Variants in MINK1 observed in about 807,000 individuals in gnomAD.
MINK1 encodes the protein misshapen-like kinase 1.
Under a neutral mutation model 178.4 loss-of-function variants are expected in MINK1, and 46 were observed. The ratio of observed to expected loss-of-function variants is 0.26; its 90% confidence interval spans 0.20 to 0.33. MINK1 has a LOEUF of 0.33. Ranked by LOEUF, MINK1 falls within the 10% of genes least tolerant of loss-of-function variation. The pLI is 1.00. For synonymous variants in MINK1, 797 were observed against 709.7 expected, an observed-to-expected ratio of 1.12 and a Z score of -1.96; for missense variants, 1,366 against 1,814.9, an observed-to-expected ratio of 0.75 and a Z score of 4.49.
intron 1 of MINK1, among the ~76,000 whole-genome samples, chr17:4,870,028 C>T (rs1481006551): frequency 6.6e-6 from 1 of 151,148 alleles, no homozygotes; most frequent in Non-Finnish European, 1.5e-5. Flanking sequence ...CTGCCTCAGC[C>T]TCCTGAGTAG....
At chr17:4,849,273 C>T (rs1911545077) in intron 1 of MINK1, among the ~76,000 whole-genome samples, 1 of 152,196 alleles carries the variant, frequency 6.6e-6, no homozygotes, top group Non-Finnish European at 1.5e-5. Context: ...TCTGGCCCTG[C>T]GTGCTGTTTT....
intron 1 of MINK1, among the ~76,000 whole-genome samples, chr17:4,874,756 T>C (rs1490314710): frequency 1.3e-5 from 2 of 152,096 alleles, no homozygotes; most frequent in Non-Finnish European, 2.9e-5. Flanking sequence ...CCCAACTTGC[T>C]TCTCTGAATC....
chr17:4,864,802 G>T (rs1195411769), intron 1 of MINK1, among the ~76,000 whole-genome samples: 1 of 152,214 alleles, frequency 6.6e-6, no homozygotes, highest in Non-Finnish European at 1.5e-5. Context: ...TCCTAAAGTG[G>T]TAAAGATCAG....
chr17:4,886,165 G>C lies in MINK1; in HGVS notation c.740G>C (p.Arg247Pro). Residue 247 changes from arginine to proline, a missense_variant, in exon 9 of 32, where the codon CGG becomes CCG. By Grantham distance (103) the Arg-to-Pro change is moderately radical (BLOSUM62 -2). This residue lies in a region of MINK1 where 109 missense variants were observed against 369.4 expected (regional missense o/e 0.30). Coordinates refer to ENST00000355280, the MANE Select transcript of MINK1 (RefSeq NM_153827.5). This position sits in a 1 kb window ranked among gnomAD's most constrained non-coding sequence, Gnocchi z 6.1. ...HPMRALFLIP[R>P]NPPPRLKSKK... ...ATGCGAGCCCTCTTCCTCATTCCTCGGAACCCTCCGCCCAGGCTCAAGTCC... is the reference window on the plus strand; with the variant it reads ...ATGCGAGCCCTCTTCCTCATTCCTCCGAACCCTCCGCCCAGGCTCAAGTCC... 1 of 1,613,960 alleles carries C rather than the reference G, an allele frequency of 6.2e-7. No homozygotes were observed. Among genetic ancestry groups the C allele is most frequent in the Non-Finnish European group, 8.5e-7 (1 of 1,179,872 alleles).
At chr17:4,860,047 G>C (rs1395319079) in intron 1 of MINK1, among the ~76,000 whole-genome samples, 2 of 149,864 alleles carry the variant, frequency 1.3e-5, no homozygotes, top group Admixed American at 6.6e-5. Flanking sequence ...CATGCGGAGC[G>C]GGGTACAGGG....
Position 4,897,472 on chromosome 17 carries a change from C to T in MINK1, c.*185C>T. ...GTGATCACGTGACCATCCTCTTCCC[C>T]AACATGTCCTCTTCCCAAAACTGTG... On this transcript the variant is annotated 3_prime_UTR_variant, in exon 32 of 32. Coordinates refer to ENST00000355280, the MANE Select transcript of MINK1 (RefSeq NM_153827.5). 1.7e-6 allele frequency: 1 copy of T among 582,358 alleles called. No homozygotes were observed. Among genetic ancestry groups the T allele is most frequent in the Non-Finnish European group, 3.0e-6 (1 of 328,832 alleles). 36.1% of individuals were successfully genotyped at this position (582,358 alleles called of 1,614,324 possible). A position where few individuals can be genotyped will look rare whatever the true frequency, so the allele number is the denominator to read the frequency against.
chr17:4,882,668 CTGT>C (rs1411758632), intron 4 of MINK1, among the ~76,000 whole-genome samples: 1 of 152,234 alleles, frequency 6.6e-6, no homozygotes, highest in Non-Finnish European at 1.5e-5. Flanking sequence ...CTACACGGTT[CTGT>C]TGTTGTACCA....
At chr17:4,866,650 C>A (rs1597458699) in intron 1 of MINK1, among the ~76,000 whole-genome samples, 2 of 151,656 alleles carry the variant, frequency 1.3e-5, no homozygotes, top group East Asian at 3.9e-4. Flanking sequence ...TGGCACACGC[C>A]TGTAGTCCCG....
Position 4,881,258 on chromosome 17 carries a change from G to A in MINK1, c.306+1G>A. On this transcript the variant is annotated splice_donor_variant, in intron 4 of 31. Coordinates refer to ENST00000355280, the MANE Select transcript of MINK1 (RefSeq NM_153827.5). LOFTEE classifies it high-confidence loss of function. ...CCCGGGAAACGATGACCAGCTCTGGGTGAGAAACGCCCCCCTGCCCGCCTT... is the reference window on the plus strand; with the variant it reads ...CCCGGGAAACGATGACCAGCTCTGGATGAGAAACGCCCCCCTGCCCGCCTT... The A allele has an allele frequency of 6.5e-7, 1 of 1,537,032 alleles. No individual in the cohort carries two copies. Among genetic ancestry groups the A allele is most frequent in the Non-Finnish European group, 8.7e-7 (1 of 1,146,830 alleles).
intron 1 of MINK1, among the ~76,000 whole-genome samples, chr17:4,850,744 C>T (rs1175915047): frequency 2.0e-5 from 3 of 152,180 alleles, no homozygotes; most frequent in Admixed American, 6.5e-5. Flanking sequence ...GGTTTGTGGA[C>T]ACCTGACTCC....
intron 4 of MINK1, among the ~76,000 whole-genome samples, chr17:4,881,501 C>T (rs1057348121): frequency 1.3e-5 from 2 of 152,214 alleles, no homozygotes; most frequent in African/African-American, 4.8e-5. Context: ...CTGGCGTTTG[C>T]CCCAACCCTT....
chr17:4,846,681 C>T (rs1330708365), intron 1 of MINK1, among the ~76,000 whole-genome samples: 3 of 152,100 alleles, frequency 2.0e-5, no homozygotes, highest in Non-Finnish European at 2.9e-5. Context: ...CTTATTATGA[C>T]TTTTTTTGAG....
At position 4,897,363 on chromosome 17, in the gene MINK1, T is replaced by C. The variant is rs535510575; in HGVS notation, c.*76T>C. The stretch of plus-strand genomic sequence containing the variant: ...AGCCAGGCTTCCCGGGCCGCCCCTC[T>C]TTCCCCTCCCTGGGCTTTTGCTTTT... On this transcript the variant is annotated 3_prime_UTR_variant, in exon 32 of 32. Transcript: ENST00000355280. 2 of 1,386,334 alleles carry C rather than the reference T, an allele frequency of 1.4e-6. No individual in the cohort carries two copies. The highest frequency in any genetic ancestry group is 4.6e-5 in the East Asian group (2 of 43,020). 85.9% of individuals were successfully genotyped at this position (1,386,334 alleles called of 1,614,324 possible). A position where few individuals can be genotyped will look rare whatever the true frequency, so the allele number is the denominator to read the frequency against.
At chr17:4,864,052 G>A (rs1914573152) in intron 1 of MINK1, among the ~76,000 whole-genome samples, 1 of 151,838 alleles carries the variant, frequency 6.6e-6, no homozygotes, top group Non-Finnish European at 1.5e-5. Context: ...GCCTCCCAAA[G>A]TGCTGGGATT....
intron 1 of MINK1, among the ~76,000 whole-genome samples, chr17:4,872,329 TAA>T (rs766022684): frequency 1.3e-4 from 15 of 117,566 alleles, no homozygotes; most frequent in Non-Finnish European, 1.3e-4. Context: ...GACTAAGTCT[TAA>T]AAAAAAAAAA....
intron 1 of MINK1, among the ~76,000 whole-genome samples, chr17:4,862,694 C>G (rs886985392): frequency 2.0e-5 from 3 of 151,706 alleles, no homozygotes; most frequent in Non-Finnish European, 4.4e-5. Context: ...GTGTAAAACA[C>G]TTAGCACAGT....
intron 1 of MINK1, among the ~76,000 whole-genome samples, chr17:4,874,369 C>T (rs1338471246): frequency 2.0e-5 from 3 of 152,204 alleles, no homozygotes; most frequent in East Asian, 3.8e-4. Context: ...TGGATAATAA[C>T]GGGGCATCGT....
Position 4,897,521 on chromosome 17 carries a change from G to T in MINK1, c.*234G>T, listed in dbSNP as rs867174292. On this transcript the variant is annotated 3_prime_UTR_variant, in exon 32 of 32. Transcript: ENST00000355280. ...TGCCTGTCCCCAGCTTCTGGGGAGG[G>T]ACACAGCTTCCCCTTCCCAGGAATT... 6 of 517,216 alleles carry T rather than the reference G, an allele frequency of 1.2e-5. No homozygotes were observed. Among genetic ancestry groups the T allele is most frequent in the Non-Finnish European group, 2.1e-5 (6 of 289,614 alleles). The allele number at this position is 517,216 out of a possible 1,614,324, so 32.0% of individuals were successfully genotyped here.
chr17:4,860,827 C>T, intron 1 of MINK1: 1 of 518,722 alleles, frequency 1.9e-6, no homozygotes, highest in East Asian at 5.5e-5. Flanking sequence ...CCAGTGCGCG[C>T]CACGTGCTGG....
Sources: allele counts gnomAD v4.1 joint callset (sites outside exome capture counted in the v4.1 genomes callset), GRCh38; gene constraint gnomAD v4.1.1; regional missense constraint gnomAD v4.1.1; non-coding constraint Gnocchi (gnomAD v3.1); transcripts MANE v1.5; gene names NCBI Gene and HGNC (gene_info 2026-07-23, HGNC 2026-07-21).